ZNF804B: variants seen among roughly 807,000 people sequenced by gnomAD.
The protein encoded by ZNF804B is zinc finger 804B.
ZNF804B carries 80 observed loss-of-function variants against 101.4 expected under a neutral mutation model. The ratio of observed to expected loss-of-function variants is 0.79; its 90% CI spans 0.66 to 0.95. The LOEUF (loss-of-function observed/expected upper bound fraction) is 0.95, where lower values mean the gene tolerates loss of function less well. Among genes scored for constraint, ZNF804B ranks in the 40% least tolerant of loss-of-function variants. The pLI is 0.00. For synonymous variants in ZNF804B, 622 were observed against 558.8 expected (o/e 1.11, Z -1.59); for missense variants, 1,673 against 1,561.9 (o/e 1.07, Z -1.20).
chr7:89,104,366 G>A (rs1385574575), intron 1 of ZNF804B, among the ~76,000 whole-genome samples: 2 of 151,806 alleles, frequency 1.3e-5, no homozygotes. Context: ...TCTGGTCCTG[G>A]GCATTTTTTG....
chr7:89,025,511 G>A (rs2116222496), intron 1 of ZNF804B, among the ~76,000 whole-genome samples: 1 of 152,072 alleles, frequency 6.6e-6, no homozygotes, highest in South Asian at 2.1e-4. Context: ...GTGTTATTTA[G>A]AACAAACTTC....
intron 1 of ZNF804B, among the ~76,000 whole-genome samples, chr7:88,965,617 T>TTGTGGA (rs1793442764): frequency 6.6e-6 from 1 of 151,436 alleles, no homozygotes; most frequent in African/African-American, 2.4e-5. Flanking sequence ...TCTGTATGAA[T>TTGTGGA]TGTGGAGCAT....
chr7:89,062,453 T>A (rs930385324), intron 1 of ZNF804B, among the ~76,000 whole-genome samples: 1 of 152,172 alleles, frequency 6.6e-6, no homozygotes, highest in African/African-American at 2.4e-5. Flanking sequence ...TCTCTGCGTT[T>A]TCTTGGCAGT....
chr7:89,303,653 A>G (rs1354257175), intron 2 of ZNF804B, among the ~76,000 whole-genome samples: 10 of 152,074 alleles, frequency 6.6e-5, no homozygotes, highest in African/African-American at 1.9e-4. Context: ...TATTTAAGCA[A>G]AAGTTTTGGC....
At chr7:89,126,725 C>T (rs534009704) in intron 1 of ZNF804B, among the ~76,000 whole-genome samples, 19 of 151,676 alleles carry the variant, frequency 1.3e-4, no homozygotes, top group South Asian at 6.2e-4. Context: ...ATTCGGAGTA[C>T]GGAGATTCTT....
intron 1 of ZNF804B, among the ~76,000 whole-genome samples, chr7:88,762,013 C>T (rs1418179668): frequency 1.3e-5 from 2 of 152,070 alleles, no homozygotes; most frequent in African/African-American, 4.8e-5. Context: ...TCACCAGGTA[C>T]TCCCCACCCT....
At chr7:88,962,844 T>C (rs1793408382) in intron 1 of ZNF804B, among the ~76,000 whole-genome samples, 1 of 149,888 alleles carries the variant, frequency 6.7e-6, no homozygotes, top group African/African-American at 2.4e-5. Flanking sequence ...TTTTTTTCTG[T>C]AACAGAAATG....
chr7:88,942,949 A>G (rs188200834), intron 1 of ZNF804B, among the ~76,000 whole-genome samples: 1 of 152,028 alleles, frequency 6.6e-6, no homozygotes, highest in East Asian at 1.9e-4. Context: ...AAAAAGGTTT[A>G]TTAATGGCAT....
In ZNF804B at chr7:89,255,037, CTG is replaced by C. The variant is rs1488826467; in HGVS notation, c.249+36743_249+36744del. Among the ~76,000 whole-genome samples the C allele has an allele frequency of 2.6e-5, 4 of 152,256 alleles. No homozygotes were observed. In the East Asian group the frequency reaches 7.7e-4, roughly 29 times the overall value. On this transcript the variant is annotated intron_variant, in intron 2 of 3. Coordinates refer to ENST00000333190, the MANE Select transcript of ZNF804B (RefSeq NM_181646.5). The stretch of plus-strand genomic sequence containing the variant: ...TTCTCACACTGCTATGAAGAAATAA[CTG>C]AGACTGGCTACTTTATAAAGGAGAC...
rs1284561646 is a variant in ZNF804B, at chr7:89,335,498, G to T, written c.2516G>T (p.Ser839Ile). The change falls in exon 4 of 4, where the codon AGC (serine) becomes ATC (isoleucine). Residue 839 changes from serine to isoleucine, a missense_variant. Physicochemically the swap from Ser to Ile is moderately radical, Grantham distance 142. Coordinates refer to ENST00000333190, the MANE Select transcript of ZNF804B (RefSeq NM_181646.5). Reference sequence around the variant, plus strand: ...AACTCACAGATTTCCTGTACTGGAAGCAGTAAAAAACCACCTAATTGCCAG... The same window carrying T: ...AACTCACAGATTTCCTGTACTGGAATCAGTAAAAAACCACCTAATTGCCAG... The part of the protein sequence containing the change: ...DSNSQISCTG[S>I]SKKPPNCQGT... The T allele has an allele frequency of 1.2e-6, 2 of 1,613,960 alleles. No individual in the cohort carries two copies.
intron 2 of ZNF804B, among the ~76,000 whole-genome samples, chr7:89,281,657 G>A (rs908479012): frequency 2.0e-5 from 3 of 152,142 alleles, no homozygotes; most frequent in Non-Finnish European, 4.4e-5. Context: ...GCCATGGCAA[G>A]AATCAAAATG....
rs117299663 is a variant in ZNF804B at position 88,991,068 on chromosome 7, G to T, written c.109-227087G>T. 4.2e-3 allele frequency among the ~76,000 whole-genome samples: 637 copies of T among 152,190 alleles called. 5 individuals are homozygous for T. The highest frequency in any genetic ancestry group is 5.6e-3 in the Non-Finnish European group (382 of 67,992). On this transcript the variant is annotated intron_variant, in intron 1 of 3. Coordinates refer to ENST00000333190, the MANE Select transcript of ZNF804B (RefSeq NM_181646.5). ...GAAAAATTAAGAAATACTATACTGGGTGAAGTCAAAAATCTGCTTAAAAAC... is the reference window on the plus strand; with the variant it reads ...GAAAAATTAAGAAATACTATACTGGTTGAAGTCAAAAATCTGCTTAAAAAC...
At chr7:88,901,215 G>A (rs17165200) in intron 1 of ZNF804B, among the ~76,000 whole-genome samples, 1,662 of 151,808 alleles carry the variant, frequency 0.011, 21 homozygotes, top group Middle Eastern at 0.024. Context: ...TTCAAAGTTA[G>A]CATTTCAGTC....
At chr7:88,788,659 G>A (rs959161960) in intron 1 of ZNF804B, among the ~76,000 whole-genome samples, 2 of 152,264 alleles carry the variant, frequency 1.3e-5, no homozygotes, top group East Asian at 3.9e-4. Context: ...TCTTCAGGGT[G>A]TAGGCAGGAA....
chr7:89,200,479 A>G (rs1384365029), intron 1 of ZNF804B, among the ~76,000 whole-genome samples: 5 of 151,994 alleles, frequency 3.3e-5, no homozygotes, highest in Non-Finnish European at 7.4e-5. Flanking sequence ...ATGTCTCATG[A>G]CGACAAACTT....
At position 88,891,182 on chromosome 7, in the gene ZNF804B, A is replaced by G. The variant is rs1792207970; in HGVS notation, c.108+131098A>G. ...GTTTTCCATGTTATCCTTATATATT[A>G]TGACCTTGATAATGATCGTTAATTC... On this transcript the variant is annotated intron_variant, in intron 1 of 3. Coordinates refer to ENST00000333190, the MANE Select transcript of ZNF804B (RefSeq NM_181646.5). 4.6e-5 allele frequency among the ~76,000 whole-genome samples: 7 copies of G among 152,132 alleles called. No individual in the cohort carries two copies. In the South Asian group the frequency reaches 1.4e-3, roughly 31 times the overall value.
chr7:89,027,784 T>G (rs1384970633), intron 1 of ZNF804B, among the ~76,000 whole-genome samples: 2 of 152,152 alleles, frequency 1.3e-5, no homozygotes. Flanking sequence ...TCAGGGAAGA[T>G]GCAAATTTTG....
chr7:89,253,434 A>C (rs984944669), intron 2 of ZNF804B, among the ~76,000 whole-genome samples: 1 of 152,204 alleles, frequency 6.6e-6, no homozygotes, highest in African/African-American at 2.4e-5. Context: ...GATGTTATGC[A>C]GCTAATAAAA....
intron 1 of ZNF804B, among the ~76,000 whole-genome samples, chr7:89,105,273 G>T (rs898068548): frequency 6.6e-6 from 1 of 152,044 alleles, no homozygotes; most frequent in African/African-American, 2.4e-5. Context: ...AACTGTTATA[G>T]ATAACAATAA....
Sources: allele counts gnomAD v4.1 joint callset (sites outside exome capture counted in the v4.1 genomes callset), GRCh38; gene constraint gnomAD v4.1.1; transcripts MANE v1.5; gene names NCBI Gene and HGNC (gene_info 2026-07-23, HGNC 2026-07-21).